Variants in DTNBP1 observed in about 807,000 individuals in gnomAD.
The protein encoded by DTNBP1 is dystrobrevin binding protein 1.
In DTNBP1, 35 loss-of-function variants were observed where a neutral mutation model predicts 42.8. That is an observed-to-expected ratio of 0.82 (90% CI 0.63 to 1.09). The LOEUF is 1.09. Ranked by LOEUF, DTNBP1 falls within the 50% of genes least tolerant of loss-of-function variation. The pLI is 0.00. For synonymous variants in DTNBP1, 171 were observed against 162.2 expected (o/e 1.05, Z -0.41); for missense variants, 457 against 424.2 (o/e 1.08, Z -0.68).
chr6:15,583,704 AT>A (rs1775934545), intron 7 of DTNBP1, among the ~76,000 whole-genome samples: 1 of 152,234 alleles, frequency 6.6e-6, no homozygotes, highest in Non-Finnish European at 1.5e-5. Flanking sequence ...ATGAAACAGA[AT>A]AGCTGTATTT....
chr6:15,645,507 A>G (rs1760623351), intron 3 of DTNBP1, among the ~76,000 whole-genome samples: 1 of 152,116 alleles, frequency 6.6e-6, no homozygotes, highest in Non-Finnish European at 1.5e-5. Flanking sequence ...ACAGGTCAAC[A>G]TTACTGATAA....
chr6:15,593,422 T>C (rs1209152502), intron 6 of DTNBP1, among the ~76,000 whole-genome samples: 1 of 152,230 alleles, frequency 6.6e-6, no homozygotes, highest in African/African-American at 2.4e-5. Context: ...AGAATCAGTT[T>C]ATAAAAAGCA....
intron 3 of DTNBP1, among the ~76,000 whole-genome samples, chr6:15,648,611 T>A (rs929476340): frequency 4.6e-5 from 7 of 150,748 alleles, no homozygotes; most frequent in Non-Finnish European, 8.9e-5. Context: ...AATAAATAAT[T>A]CAAAAAAAGC....
intron 1 of DTNBP1, among the ~76,000 whole-genome samples, chr6:15,662,553 C>A (rs548201290): frequency 1.3e-5 from 2 of 152,198 alleles, no homozygotes; most frequent in African/African-American, 2.4e-5. Flanking sequence ...CACACCCCCC[C>A]CGGGCGCTCC....
intron 7 of DTNBP1, among the ~76,000 whole-genome samples, chr6:15,580,628 T>C (rs1775785930): frequency 6.6e-6 from 1 of 152,158 alleles, no homozygotes; most frequent in African/African-American, 2.4e-5. Context: ...TGTCTATATA[T>C]GTGTGTGTGT....
chr6:15,615,129 G>C, intron 6 of DTNBP1, 138 bp downstream of exon 6: 1 of 1,388,322 alleles, frequency 7.2e-7, no homozygotes, highest in Non-Finnish European at 1.0e-6. Flanking sequence ...TTTAAAAAAA[G>C]TTTTGGAAAG....
At chr6:15,539,695 C>T (rs1773449010) in intron 7 of DTNBP1, among the ~76,000 whole-genome samples, 1 of 152,240 alleles carries the variant, frequency 6.6e-6, no homozygotes, top group Non-Finnish European at 1.5e-5. Flanking sequence ...CTCAACACTT[C>T]TCAGAGATCC....
In DTNBP1 at chr6:15,556,330, C is replaced by T. The variant is rs184417697; in HGVS notation, c.512-22935G>A. 3.2e-4 allele frequency among the ~76,000 whole-genome samples: 48 copies of T among 152,010 alleles called. No homozygotes were observed. The Middle Eastern group carries it at 0.02, about 65-fold the overall frequency. ...CTGAGTAGCTGGGATTACAGCCATG[C>T]GCCACCAAGCCCAGCTAATTTTTGT... On this transcript the variant is annotated intron_variant, in intron 7 of 9. Transcript: ENST00000344537.
intron 7 of DTNBP1, among the ~76,000 whole-genome samples, chr6:15,567,212 T>C (rs1323425435): frequency 2.6e-5 from 4 of 151,994 alleles, no homozygotes; most frequent in African/African-American, 7.2e-5. Flanking sequence ...CTCAACACTT[T>C]GGGAGGCTTA....
At chr6:15,534,761 C>T (rs1326035457) in intron 7 of DTNBP1, among the ~76,000 whole-genome samples, 1 of 151,684 alleles carries the variant, frequency 6.6e-6, no homozygotes, top group Admixed American at 6.6e-5. Context: ...TGTTTACTGA[C>T]CACACAACCT....
intron 6 of DTNBP1, among the ~76,000 whole-genome samples, chr6:15,593,777 AT>A (rs962661777): frequency 9.2e-5 from 14 of 152,122 alleles, no homozygotes; most frequent in African/African-American, 1.7e-4. Context: ...GCAGTTACGT[AT>A]TTTTTTTCCT....
chr6:15,540,115 G>T (rs1285776089), intron 7 of DTNBP1, among the ~76,000 whole-genome samples: 1 of 152,094 alleles, frequency 6.6e-6, no homozygotes, highest in Non-Finnish European at 1.5e-5. Flanking sequence ...CACCTGCTCT[G>T]GGCCCCACTC....
intron 3 of DTNBP1, among the ~76,000 whole-genome samples, chr6:15,648,469 A>G (rs7768128): frequency 0.19 from 29,596 of 151,940 alleles, 3,254 homozygotes; most frequent in Non-Finnish European, 0.25. Flanking sequence ...ATTTCTATTC[A>G]TAAATGATAT....
At chr6:15,564,688 A>AT (rs1774993577) in intron 7 of DTNBP1, among the ~76,000 whole-genome samples, 1 of 152,050 alleles carries the variant, frequency 6.6e-6, no homozygotes, top group Non-Finnish European at 1.5e-5. Flanking sequence ...GATTACAGGC[A>AT]TAAGCCCACC....
chr6:15,563,140 C>G (rs534901679), intron 7 of DTNBP1, among the ~76,000 whole-genome samples: 1 of 152,312 alleles, frequency 6.6e-6, no homozygotes, highest in African/African-American at 2.4e-5. Context: ...GGAATCTCTT[C>G]CCTCCCATCT....
rs1457699042 is a variant in DTNBP1 at position 15,599,111 on chromosome 6, T to C, written c.489-6030A>G. 3.3e-5 allele frequency among the ~76,000 whole-genome samples: 5 copies of C among 152,248 alleles called. No individual in the cohort carries two copies. In the East Asian group the frequency reaches 9.7e-4, roughly 29 times the overall value. On this transcript the variant is annotated intron_variant, in intron 6 of 9. Transcript: ENST00000344537. ...TAAGTTATACATGGATTACATTCCA[T>C]CCCACCTTGCAAGAATCATTTCCCT...
intron 7 of DTNBP1, among the ~76,000 whole-genome samples, chr6:15,591,505 G>A (rs1776297581): frequency 6.6e-6 from 1 of 152,144 alleles, no homozygotes; most frequent in African/African-American, 2.4e-5. Flanking sequence ...ATTCAATTTA[G>A]GGTTTGTTCA....
chr6:15,611,132 G>A (rs1758371020), intron 6 of DTNBP1, among the ~76,000 whole-genome samples: 2 of 152,152 alleles, frequency 1.3e-5, no homozygotes, highest in South Asian at 2.1e-4. Context: ...TAATACAACT[G>A]GTGACTTTTA....
chr6:15,524,483 C>T (rs565920821), intron 9 of DTNBP1, 43 bp downstream of exon 9: 9 of 1,611,672 alleles, frequency 5.6e-6, no homozygotes, highest in African/African-American at 1.3e-5. Context: ...GGAGTGGCAT[C>T]GATACTGCCC....
Sources: gnomAD v4.1 joint callset for allele counts (sites outside exome capture counted in the v4.1 genomes callset) on GRCh38, gnomAD v4.1.1 for gene constraint, MANE v1.5 for transcripts, NCBI Gene and HGNC (gene_info 2026-07-23, HGNC 2026-07-21) for gene names.